BRSK2: variants seen among roughly 807,000 people sequenced by gnomAD.
BRSK2 encodes BR serine/threonine kinase 2.
Under a neutral mutation model 83.3 loss-of-function variants are expected in BRSK2, and 19 were observed. The ratio of observed to expected loss-of-function variants is 0.23; its 90% CI spans 0.16 to 0.33. The LOEUF (loss-of-function observed/expected upper bound fraction) is 0.33, where lower values mean the gene tolerates loss of function less well. Ranked by LOEUF, BRSK2 falls within the 10% of genes least tolerant of loss-of-function variation. BRSK2 has a pLI of 1.00. For missense variants in BRSK2, 798 were observed against 1,042.3 expected (o/e 0.77, Z 3.23); for synonymous variants, 519 against 435.4 (o/e 1.19, Z -2.39).
intron 3 of BRSK2, among the ~76,000 whole-genome samples, chr11:1,440,540 CCTCCACCCTCA>C (rs1564845836): frequency 6.6e-6 from 1 of 152,144 alleles, no homozygotes; most frequent in Non-Finnish European, 1.5e-5. Context: ...TTCACCTGTC[CCTCCACCCTCA>C]CCCCACCCCA....
intron 1 of BRSK2, among the ~76,000 whole-genome samples, chr11:1,415,636 A>C (rs1848020416): frequency 6.6e-6 from 1 of 152,194 alleles, no homozygotes; most frequent in Admixed American, 6.5e-5. Context: ...CCCCACAGAA[A>C]AGGCAGCCCT....
intron 1 of BRSK2, among the ~76,000 whole-genome samples, chr11:1,406,915 T>C (rs1417390052): frequency 1.3e-5 from 2 of 152,144 alleles, no homozygotes; most frequent in Non-Finnish European, 2.9e-5. Flanking sequence ...TGCGTGTGTG[T>C]GTGTGGTGCG....
chr11:1,457,799 A>T (rs1424271010), intron 18 of BRSK2, among the ~76,000 whole-genome samples: 10 of 151,726 alleles, frequency 6.6e-5, no homozygotes, highest in East Asian at 1.9e-4. Flanking sequence ...CACCTGTGGG[A>T]GCCCCCCCAG....
At chr11:1,396,897 C>T (rs1445084126) in intron 1 of BRSK2, among the ~76,000 whole-genome samples, 1 of 152,200 alleles carries the variant, frequency 6.6e-6, no homozygotes, top group Non-Finnish European at 1.5e-5. Context: ...GACCCTGGCC[C>T]CTCGGAAGTG....
rs116779498 is a variant in BRSK2 at position 1,423,058 on chromosome 11, A to G, written c.92-12982A>G. Reference sequence around the variant, plus strand: ...GCAGCTTGGGAGCCTTAGCTCAGCCAGACAGCAGCCCGGAGGGTTAATGTC... The same window carrying G: ...GCAGCTTGGGAGCCTTAGCTCAGCCGGACAGCAGCCCGGAGGGTTAATGTC... On this transcript the variant is annotated intron_variant, in intron 1 of 19. Transcript: ENST00000528841. This position sits in a 1 kb window ranked among gnomAD's most constrained non-coding sequence, Gnocchi z 6.5. Among the ~76,000 whole-genome samples, 1,641 of 152,300 alleles carry G rather than the reference A, an allele frequency of 0.011. 28 individuals carry two copies. The highest frequency in any genetic ancestry group is 0.038 in the African/African-American group (1,565 of 41,562).
chr11:1,454,521 C>T lies in BRSK2; in HGVS notation c.1581C>T (p.Ser527=). The change falls in exon 16 of 20, where the codon AGC becomes AGT. Residue 527 remains serine (S), a synonymous_variant. Coordinates refer to ENST00000528841, the MANE Select transcript of BRSK2 (RefSeq NM_001256627.2). The surrounding 1 kb of genome is among the most constrained non-coding windows in gnomAD (Gnocchi z 5.2). ...AKKSWFGNFI[S]LEKEEQIFVV... ...AGTCCTGGTTTGGGAACTTCATCAG[C>T]CTGGAGAAGGAGGAGCAGATCTTCG... is the stretch of plus-strand genomic sequence containing the variant. The T allele has an allele frequency of 6.2e-7, 1 of 1,613,274 alleles. No homozygotes were observed. The highest frequency in any genetic ancestry group is 2.2e-5 in the East Asian group (1 of 44,876).
Position 1,390,343 on chromosome 11 carries a change from G to A in BRSK2, c.59G>A (p.Arg20Gln), listed in dbSNP as rs1845644116. The change falls in exon 1 of 20, where the codon CGG (arginine) becomes CAG (glutamine). Residue 20 changes from arginine (R) to glutamine (Q), a missense_variant. Arg to Gln is a conservative substitution (Grantham distance 43). This residue lies in a region of BRSK2 where 33 missense variants were observed against 30.8 expected (regional missense o/e 1.07). Coordinates refer to ENST00000528841, the MANE Select transcript of BRSK2 (RefSeq NM_001256627.2). This position sits in a 1 kb window ranked among gnomAD's most constrained non-coding sequence, Gnocchi z 6.8. ...AQHAQYVGPYRLEKTLGKGQT... is the reference protein window; with the variant it reads ...AQHAQYVGPYQLEKTLGKGQT... The stretch of plus-strand genomic sequence containing the variant: ...CACGCGCAGTATGTTGGGCCCTACC[G>A]GCTGGAGAAGACGCTGGGCAAGGGG... The A allele has an allele frequency of 2.9e-6, 3 of 1,048,456 alleles. No homozygotes were observed. The highest frequency in any genetic ancestry group is 8.5e-5 in the South Asian group (2 of 23,406). The allele number at this position is 1,048,456 out of a possible 1,614,324, so 64.9% of individuals were successfully genotyped here. A position where few individuals can be genotyped will look rare whatever the true frequency, so the allele number is the denominator to read the frequency against.
chr11:1,406,639 G>A (rs1327753026), intron 1 of BRSK2, among the ~76,000 whole-genome samples: 3 of 152,202 alleles, frequency 2.0e-5, no homozygotes, highest in African/African-American at 7.2e-5. Flanking sequence ...CTCAGGATGG[G>A]CCACACGGAG....
At chr11:1,428,595 T>C (rs1849520308) in intron 1 of BRSK2, among the ~76,000 whole-genome samples, 1 of 152,192 alleles carries the variant, frequency 6.6e-6, no homozygotes, top group African/African-American at 2.4e-5. Flanking sequence ...TTCAATAAAG[T>C]TGGCCCAGGT....
intron 8 of BRSK2, 137 bp downstream of exon 8, chr11:1,443,772 G>A (rs531249575): frequency 3.3e-5 from 38 of 1,149,536 alleles, no homozygotes; most frequent in South Asian, 2.3e-4. Context: ...GTGTGTGGAC[G>A]TGTGCACAGG....
intron 10 of BRSK2, 27 bp downstream of exon 10, chr11:1,445,485 G>A: frequency 6.2e-7 from 1 of 1,610,592 alleles, no homozygotes; most frequent in Non-Finnish European, 8.5e-7. Flanking sequence ...TCCCGGGTGG[G>A]GCACGGGGCC....
chr11:1,407,437 G>A (rs1329856276), intron 1 of BRSK2, among the ~76,000 whole-genome samples: 6 of 152,234 alleles, frequency 3.9e-5, no homozygotes, highest in South Asian at 4.1e-4. Context: ...AGTGCCACCC[G>A]TCTTCCTGCA....
In BRSK2 at chr11:1,445,515, C is replaced by T. The variant is rs189307667; in HGVS notation, c.978-56C>T. 3.7e-4 allele frequency: 599 copies of T among 1,603,710 alleles called. 4 individuals carry two copies. The East Asian group carries it at 9.8e-3, about 26-fold the overall frequency. On this transcript the variant is annotated intron_variant, in intron 10 of 19. Transcript: ENST00000528841. ...GGGGCCTGAGGTGGGAGCGCTGCCC[C>T]GGAGGAGCCGGCGGCCCCGTGTGCC...
At chr11:1,437,607 G>A (rs1451317177) in intron 2 of BRSK2, among the ~76,000 whole-genome samples, 6 of 152,154 alleles carry the variant, frequency 3.9e-5, no homozygotes, top group Admixed American at 2.0e-4. Context: ...TGGGGGGCAC[G>A]TGCCCTGCCC....
intron 1 of BRSK2, among the ~76,000 whole-genome samples, chr11:1,405,103 C>G (rs1460054117): frequency 9.6e-5 from 3 of 31,198 alleles, no homozygotes; most frequent in African/African-American, 2.2e-4. Context: ...GCCTCCAGCC[C>G]CTCCCCAGGG....
At chr11:1,449,973 G>A (rs1845606407) in intron 13 of BRSK2, 137 bp downstream of exon 13, 11 of 620,246 alleles carry the variant, frequency 1.8e-5, no homozygotes, top group South Asian at 1.6e-4. Context: ...CGCTCCTGTG[G>A]CGGCTGCTGC....
intron 1 of BRSK2, among the ~76,000 whole-genome samples, chr11:1,408,946 A>G (rs1386246707): frequency 7.4e-6 from 1 of 134,926 alleles, no homozygotes; most frequent in Non-Finnish European, 1.6e-5. Flanking sequence ...ATGTATCTGT[A>G]TACAGGTGTT....
Position 1,460,877 on chromosome 11 carries a change from T to C in BRSK2, c.*154T>C, listed in dbSNP as rs942395411. 17 of 1,591,642 alleles carry C rather than the reference T, an allele frequency of 1.1e-5. No individual in the cohort carries two copies. The highest frequency in any genetic ancestry group is 1.5e-5 in the Non-Finnish European group (17 of 1,170,268). On this transcript the variant is annotated 3_prime_UTR_variant, in exon 20 of 20. Coordinates refer to ENST00000528841, the MANE Select transcript of BRSK2 (RefSeq NM_001256627.2). The stretch of plus-strand genomic sequence containing the variant: ...AAGGAAAGGGGCGTTGGGGCCGGCC[T>C]GTGGGCTGCGCCACCCGCGCCCGCT...
At chr11:1,455,683 G>A (rs1045039499) in intron 16 of BRSK2, among the ~76,000 whole-genome samples, 5 of 151,940 alleles carry the variant, frequency 3.3e-5, no homozygotes, top group East Asian at 2.0e-4. Flanking sequence ...TCACTTCCTC[G>A]GCCTCCTCCC....
Sources: allele counts gnomAD v4.1 joint callset (sites outside exome capture counted in the v4.1 genomes callset), GRCh38; gene constraint gnomAD v4.1.1; regional missense constraint gnomAD v4.1.1; non-coding constraint Gnocchi (gnomAD v3.1); transcripts MANE v1.5; gene names NCBI Gene and HGNC (gene_info 2026-07-23, HGNC 2026-07-21).